UNC5C: variants seen among roughly 807,000 people sequenced by gnomAD.
The protein encoded by UNC5C is netrin receptor UNC5C.
A neutral mutation model predicts 99.8 loss-of-function variants in UNC5C; 47 were observed. The ratio of observed to expected loss-of-function variants is 0.47; its 90% CI spans 0.37 to 0.60. UNC5C has a LOEUF of 0.60. Ranked by LOEUF, UNC5C falls within the 20% of genes least tolerant of loss-of-function variation. UNC5C has a pLI of 0.00. For synonymous variants in UNC5C, 487 were observed against 452.2 expected (o/e 1.08, Z -0.98); for missense variants, 1,062 against 1,165.9 (o/e 0.91, Z 1.30).
At chr4:95,446,184 G>A (rs77710074) in intron 1 of UNC5C, among the ~76,000 whole-genome samples, 3,793 of 152,020 alleles carry the variant, frequency 0.025, 172 homozygotes, top group African/African-American at 0.087. Flanking sequence ...CAAATAAGTA[G>A]CAAATAAGAA....
chr4:95,523,202 A>G (rs568795117), intron 1 of UNC5C, among the ~76,000 whole-genome samples: 1 of 152,332 alleles, frequency 6.6e-6, no homozygotes, highest in East Asian at 1.9e-4. Flanking sequence ...GAACTGCCCA[A>G]CAGAATTGTT....
chr4:95,257,075 C>G (rs1259206515), intron 4 of UNC5C, among the ~76,000 whole-genome samples: 1 of 152,084 alleles, frequency 6.6e-6, no homozygotes, highest in Admixed American at 6.6e-5. Flanking sequence ...CAGACACACC[C>G]AGGATCAATA....
chr4:95,197,961 A>T (rs947463750), intron 12 of UNC5C, among the ~76,000 whole-genome samples: 1 of 147,574 alleles, frequency 6.8e-6, no homozygotes, highest in African/African-American at 2.5e-5. Context: ...AAACTGCAGC[A>T]GGTTGAGGGA....
At chr4:95,540,435 G>T (rs1722891281) in intron 1 of UNC5C, among the ~76,000 whole-genome samples, 1 of 152,166 alleles carries the variant, frequency 6.6e-6, no homozygotes, top group Admixed American at 6.5e-5. Context: ...CTCTGTGGGT[G>T]ATGGCTGTGG....
chr4:95,393,530 G>A (rs1745419276), intron 1 of UNC5C, among the ~76,000 whole-genome samples: 1 of 152,118 alleles, frequency 6.6e-6, no homozygotes, highest in Non-Finnish European at 1.5e-5. Context: ...AATTCCACTT[G>A]GCACTCAGGA....
Position 95,242,547 on chromosome 4 carries a change from A to G in UNC5C, c.990T>C (p.Thr330=). The G allele has an allele frequency of 6.2e-7, 1 of 1,608,662 alleles. No individual in the cohort carries two copies. The highest frequency in any genetic ancestry group is 8.5e-7 in the Non-Finnish European group (1 of 1,177,324). ...CCCTCCTGCGCCAGTGGGTGCACTC[A>G]GTTCCACAAGTAGACCACTTGCTCC... ...TPWSKWSTCG[T]ECTHWRRREC... The change falls in exon 7 of 16, where the codon ACT becomes ACC. Residue 330 remains threonine (T), a synonymous_variant. Coordinates refer to ENST00000453304, the MANE Select transcript of UNC5C (RefSeq NM_003728.4).
In UNC5C at chr4:95,484,422, T is replaced by A. The variant is rs554610084; in HGVS notation, c.124+64312A>T. Among the ~76,000 whole-genome samples, 12 of 151,838 alleles carry A rather than the reference T, an allele frequency of 7.9e-5. No homozygotes were observed. In the South Asian group the frequency reaches 2.5e-3, roughly 32 times the overall value. ...ATCCTGTTCCCATTTCTGCCTGGGC[T>A]CACGAGCAGGTATGCTTCCCAACCA... On this transcript the variant is annotated intron_variant, in intron 1 of 15. Transcript: ENST00000453304.
At chr4:95,317,558 G>A (rs189760435) in intron 2 of UNC5C, among the ~76,000 whole-genome samples, 12 of 152,240 alleles carry the variant, frequency 7.9e-5, no homozygotes, top group Admixed American at 5.9e-4. Flanking sequence ...TATGAGAAAC[G>A]TGGCAATGAG....
chr4:95,346,267 T>A (rs897927132), intron 1 of UNC5C, among the ~76,000 whole-genome samples: 1 of 151,730 alleles, frequency 6.6e-6, no homozygotes, highest in African/African-American at 2.4e-5. Context: ...CATTAACAAG[T>A]AAGGGGATCA....
intron 1 of UNC5C, among the ~76,000 whole-genome samples, chr4:95,346,556 T>C (rs1743780826): frequency 6.6e-6 from 1 of 151,946 alleles, no homozygotes; most frequent in Non-Finnish European, 1.5e-5. Context: ...AAACTGAATT[T>C]AACAACACAT....
chr4:95,510,817 C>G (rs1049644817), intron 1 of UNC5C, among the ~76,000 whole-genome samples: 1 of 152,052 alleles, frequency 6.6e-6, no homozygotes, highest in African/African-American at 2.4e-5. Context: ...GTGGAATATT[C>G]TTCAACACTG....
At chr4:95,437,811 A>C (rs2149462419) in intron 1 of UNC5C, among the ~76,000 whole-genome samples, 1 of 152,210 alleles carries the variant, frequency 6.6e-6, no homozygotes, top group Admixed American at 6.5e-5. Flanking sequence ...CAATAGCCCT[A>C]CTAAGAAAAC....
intron 1 of UNC5C, among the ~76,000 whole-genome samples, chr4:95,353,410 A>T (rs949005761): frequency 2.0e-5 from 3 of 151,986 alleles, no homozygotes; most frequent in African/African-American, 7.2e-5. Context: ...AAAAATATGC[A>T]TGCATTATAT....
At chr4:95,249,487 A>C (rs1739615592) in intron 5 of UNC5C, among the ~76,000 whole-genome samples, 1 of 152,226 alleles carries the variant, frequency 6.6e-6, no homozygotes, top group African/African-American at 2.4e-5. Context: ...ACAGTAAAAC[A>C]TCAATAATAT....
intron 1 of UNC5C, among the ~76,000 whole-genome samples, chr4:95,392,115 A>AT (rs894083538): frequency 1.3e-5 from 2 of 152,260 alleles, no homozygotes; most frequent in Admixed American, 6.5e-5. Flanking sequence ...ACAAATGAGT[A>AT]TTTTTTACAG....
chr4:95,194,280 A>T (rs943366266), intron 12 of UNC5C, among the ~76,000 whole-genome samples: 4 of 152,152 alleles, frequency 2.6e-5, no homozygotes, highest in African/African-American at 9.7e-5. Context: ...TTTTTCTAGG[A>T]CTTTTGAAGT....
intron 1 of UNC5C, among the ~76,000 whole-genome samples, chr4:95,448,430 C>T (rs914851331): frequency 7.9e-5 from 12 of 152,096 alleles, no homozygotes; most frequent in Non-Finnish European, 1.3e-4. Flanking sequence ...ACAATACAAT[C>T]CACTCTGTCT....
At chr4:95,279,330 A>C (rs765507380) in intron 3 of UNC5C, among the ~76,000 whole-genome samples, 1 of 152,202 alleles carries the variant, frequency 6.6e-6, no homozygotes, top group Non-Finnish European at 1.5e-5. Flanking sequence ...TTATGTATTT[A>C]TATAGATATA....
At chr4:95,237,141 A>AT (rs557865114) in intron 7 of UNC5C, among the ~76,000 whole-genome samples, 34 of 152,068 alleles carry the variant, frequency 2.2e-4, no homozygotes, top group Non-Finnish European at 4.4e-4. Flanking sequence ...TAATTGTTGT[A>AT]TTTTTTTATT....
Sources: allele counts gnomAD v4.1 joint callset (sites outside exome capture counted in the v4.1 genomes callset), GRCh38; gene constraint gnomAD v4.1.1; transcripts MANE v1.5; gene names NCBI Gene and HGNC (gene_info 2026-07-23, HGNC 2026-07-21).